The following SCUBE1 variants were observed in gnomAD, a reference collection of about 807,000 sequenced individuals.
SCUBE1 encodes the protein signal peptide, CUB domain and EGF like domain containing 1.
Under a neutral mutation model 124.4 loss-of-function variants are expected in SCUBE1, and 59 were observed. That is an observed-to-expected ratio of 0.47 (90% CI 0.38 to 0.59). The LOEUF is 0.59. Ranked by LOEUF, SCUBE1 falls within the 20% of genes least tolerant of loss-of-function variation. The pLI, the probability that SCUBE1 is intolerant of heterozygous loss-of-function variation, is 0.00. For missense variants in SCUBE1, 1,150 were observed against 1,371.2 expected (o/e 0.84, Z 2.55); for synonymous variants, 545 against 550.9 (o/e 0.99, Z 0.15).
chr22:43,221,806 G>A (rs1922102088), intron 12 of SCUBE1, among the ~76,000 whole-genome samples: 1 of 152,186 alleles, frequency 6.6e-6, no homozygotes. Context: ...GCTCACGCCT[G>A]TAATCCTAGC....
chr22:43,231,456 A>C (rs1470033727), intron 8 of SCUBE1, among the ~76,000 whole-genome samples: 2 of 152,204 alleles, frequency 1.3e-5, no homozygotes, highest in Non-Finnish European at 1.5e-5. Context: ...GAGGAGTTCG[A>C]TGCTGGGAGG....
In SCUBE1 at chr22:43,310,084, C is replaced by A. The variant is rs139753201; in HGVS notation, c.349+9853G>T. Reference sequence around the variant, plus strand: ...CAGGTAACAGAATAAAATCCAAACCCCTTTCTCGAGACGATATGACCCTGC... The same window carrying A: ...CAGGTAACAGAATAAAATCCAAACCACTTTCTCGAGACGATATGACCCTGC... On this transcript the variant is annotated intron_variant, in intron 3 of 21. Transcript: ENST00000360835. 5.3e-3 allele frequency among the ~76,000 whole-genome samples: 812 copies of A among 152,266 alleles called. 6 individuals are homozygous for A. The highest frequency in any genetic ancestry group is 0.017 in the African/African-American group (715 of 41,538).
At chr22:43,240,245 T>A (rs1221308154) in intron 6 of SCUBE1, among the ~76,000 whole-genome samples, 2 of 152,154 alleles carry the variant, frequency 1.3e-5, no homozygotes, top group Non-Finnish European at 2.9e-5. Flanking sequence ...ACCCTGACAC[T>A]CTTCCTGGCT....
chr22:43,242,447 C>T (rs939198144), intron 6 of SCUBE1, among the ~76,000 whole-genome samples: 1 of 152,224 alleles, frequency 6.6e-6, no homozygotes, highest in Non-Finnish European at 1.5e-5. Context: ...GCAAACGGGG[C>T]CCCGAGGCTG....
intron 1 of SCUBE1, among the ~76,000 whole-genome samples, chr22:43,342,132 A>G (rs953106493): frequency 2.0e-5 from 3 of 151,348 alleles, no homozygotes; most frequent in African/African-American, 7.3e-5. Context: ...GACGTGCAGG[A>G]CCCTCCCCCT....
chr22:43,327,882 T>C (rs948099144), intron 2 of SCUBE1, among the ~76,000 whole-genome samples: 1 of 152,246 alleles, frequency 6.6e-6, no homozygotes, highest in African/African-American at 2.4e-5. Context: ...AATTGTATAC[T>C]TTTAACGAGT....
At chr22:43,214,047 G>GGGGGGGGGC in intron 16 of SCUBE1, 43 bp downstream of exon 16, 1 of 143,440 alleles carries the variant, frequency 7.0e-6, no homozygotes, top group Non-Finnish European at 1.3e-5. Context: ...AGGAGCCCCC[G>GGGGGGGGGC]CCCACCCCCC....
intron 2 of SCUBE1, among the ~76,000 whole-genome samples, chr22:43,338,832 C>A (rs895533290): frequency 3.3e-5 from 5 of 152,198 alleles, no homozygotes; most frequent in Non-Finnish European, 7.3e-5. Context: ...GCCACCGCAC[C>A]CAGCCAATTT....
intron 6 of SCUBE1, among the ~76,000 whole-genome samples, chr22:43,248,684 C>A (rs898131744): frequency 6.6e-6 from 1 of 152,218 alleles, no homozygotes; most frequent in Non-Finnish European, 1.5e-5. Flanking sequence ...GAGGGGCTTG[C>A]CCCCGCTTTC....
chr22:43,312,432 G>A (rs1407099086), intron 3 of SCUBE1, among the ~76,000 whole-genome samples: 4 of 152,178 alleles, frequency 2.6e-5, no homozygotes, highest in Admixed American at 6.5e-5. Context: ...AGGACTCTGC[G>A]GGTACAGGGA....
chr22:43,204,233 G>C (rs1921126997), intron 21 of SCUBE1, 84 bp from the exon 22 acceptor site: 9 of 1,258,236 alleles, frequency 7.2e-6, no homozygotes, highest in East Asian at 4.7e-5. Flanking sequence ...GGAGGGGAGA[G>C]AGATGCGCTG....
At chr22:43,272,445 A>G (rs894675063) in intron 4 of SCUBE1, 3 of 152,340 alleles carry the variant, frequency 2.0e-5, no homozygotes, top group East Asian at 1.9e-4. Flanking sequence ...TCCAGCCACA[A>G]GAGTCCACAT....
At chr22:43,223,604 C>G (rs976423589) in intron 10 of SCUBE1, among the ~76,000 whole-genome samples, 5 of 152,238 alleles carry the variant, frequency 3.3e-5, no homozygotes, top group Admixed American at 3.3e-4. Context: ...GGAAGCACCT[C>G]TTTGGGGCAG....
intron 3 of SCUBE1, among the ~76,000 whole-genome samples, chr22:43,304,317 G>C (rs1165018542): frequency 1.3e-5 from 2 of 152,262 alleles, no homozygotes; most frequent in African/African-American, 4.8e-5. Flanking sequence ...CTTGGCAGGG[G>C]TGCAAGGCAC....
Position 43,214,206 on chromosome 22 carries a change from C to G in SCUBE1, c.1937G>C (p.Cys646Ser), listed in dbSNP as rs1921707491. The change falls in exon 16 of 22, where the codon TGT becomes TCT. Residue 646 changes from cysteine to serine, a missense_variant. Coordinates refer to ENST00000360835, the MANE Select transcript of SCUBE1 (RefSeq NM_173050.5). ...GTATGTTCCTGGCATACATGACACA[C>G]ACTGGCCGAGCTCACCACCGAAGTG... is the stretch of plus-strand genomic sequence containing the variant. ...GTHFGGELGQ[C>S]VSCMPGTYQD... The G allele has an allele frequency of 8.1e-6, 13 of 1,613,130 alleles. No individual in the cohort carries two copies. Among genetic ancestry groups the G allele is most frequent in the Non-Finnish European group, 1.1e-5 (13 of 1,179,942 alleles).
rs1569508114 is a variant in SCUBE1, at chr22:43,255,559, A to G, written c.727+2660T>C. On this transcript the variant is annotated intron_variant, in intron 6 of 21. Coordinates refer to ENST00000360835, the MANE Select transcript of SCUBE1 (RefSeq NM_173050.5). This position sits in a 1 kb window ranked among gnomAD's most constrained non-coding sequence, Gnocchi z 4.7. The stretch of plus-strand genomic sequence containing the variant: ...CGTGGCATTGAACTGAGAGCGCTCA[A>G]TTGCAGCCTCATCCTTCTCTAAAAC... 6.5e-6 allele frequency: 10 copies of G among 1,550,382 alleles called. No homozygotes were observed. Among genetic ancestry groups the G allele is most frequent in the Non-Finnish European group, 8.7e-6 (10 of 1,146,956 alleles).
At chr22:43,220,310 C>T in intron 14 of SCUBE1, 140 bp downstream of exon 14, 1 of 977,390 alleles carries the variant, frequency 1.0e-6, no homozygotes, top group Non-Finnish European at 1.5e-6. Context: ...GCCTCTGTCT[C>T]CAGAAGCTGG....
At chr22:43,229,267 A>T in intron 8 of SCUBE1, 79 bp from the exon 9 acceptor site, 1 of 980,728 alleles carries the variant, frequency 1.0e-6, no homozygotes, top group Non-Finnish European at 1.6e-6. Context: ...ACTCTCAGTC[A>T]CTCAAGGCAC....
rs1249512411 is a variant in SCUBE1, at chr22:43,258,457, A to G, written c.611-122T>C. 17 of 740,030 alleles carry G rather than the reference A, an allele frequency of 2.3e-5. No individual in the cohort carries two copies. Among genetic ancestry groups the G allele is most frequent in the Non-Finnish European group, 3.9e-5 (16 of 409,156 alleles). 45.8% of individuals were successfully genotyped at this position (740,030 alleles called of 1,614,324 possible). ...CTGAGGCCTAAGGGCATCAGTGGGT[A>G]GGGTCATGAGGCTCGCCGGGCAACG... On this transcript the variant is annotated intron_variant, in intron 5 of 21. Coordinates refer to ENST00000360835, the MANE Select transcript of SCUBE1 (RefSeq NM_173050.5). The surrounding 1 kb of genome is among the most constrained non-coding windows in gnomAD (Gnocchi z 5.0).
Sources: allele counts gnomAD v4.1 joint callset (sites outside exome capture counted in the v4.1 genomes callset), GRCh38; gene constraint gnomAD v4.1.1; non-coding constraint Gnocchi (gnomAD v3.1); transcripts MANE v1.5; gene names NCBI Gene and HGNC (gene_info 2026-07-23, HGNC 2026-07-21).